Variants in FSTL5 observed in about 807,000 individuals in gnomAD.
FSTL5 encodes the protein follistatin-related protein 5.
Under a neutral mutation model 89.1 loss-of-function variants are expected in FSTL5, and 62 were observed. The observed-to-expected ratio is 0.70, with a 90% confidence interval of 0.57 to 0.86. FSTL5 has a LOEUF of 0.86. Among genes scored for constraint, FSTL5 ranks in the 40% least tolerant of loss-of-function variants. The probability of loss-of-function intolerance (pLI) is 0.00; values close to 1 mark genes in which losing one functional copy is unlikely to be tolerated. For synonymous variants in FSTL5, 383 were observed against 346.2 expected, an observed-to-expected ratio of 1.11 and a Z score of -1.18; for missense variants, 1,057 against 1,001.6, an observed-to-expected ratio of 1.06 and a Z score of -0.75.
chr4:161,774,925 T>C (rs917866350), intron 5 of FSTL5, among the ~76,000 whole-genome samples: 4 of 152,104 alleles, frequency 2.6e-5, no homozygotes, highest in African/African-American at 9.7e-5. Context: ...AAAATAAATG[T>C]GAGGCTGCAT....
At chr4:161,611,878 T>C (rs1355441024) in intron 7 of FSTL5, among the ~76,000 whole-genome samples, 1 of 152,088 alleles carries the variant, frequency 6.6e-6, no homozygotes, top group African/African-American at 2.4e-5. Context: ...AAGGAGCGAA[T>C]GAAAAGGTCA....
intron 2 of FSTL5, among the ~76,000 whole-genome samples, chr4:162,102,628 A>AACATATATAAATATGTATATTTATATAT (rs1357305198): frequency 4.8e-5 from 7 of 144,620 alleles, no homozygotes; most frequent in African/African-American, 1.5e-4. Flanking sequence ...AAATATTTAT[A>AACATATATAAATATGTATATTTATATAT]ACATATATAA....
At chr4:161,511,573 A>C (rs1421871256) in intron 10 of FSTL5, among the ~76,000 whole-genome samples, 1 of 152,138 alleles carries the variant, frequency 6.6e-6, no homozygotes, top group Non-Finnish European at 1.5e-5. Flanking sequence ...CATGTAATGT[A>C]CAATGTGGGT....
chr4:161,714,718 T>G (rs759246282), intron 6 of FSTL5, among the ~76,000 whole-genome samples: 5 of 152,158 alleles, frequency 3.3e-5, no homozygotes, highest in Non-Finnish European at 5.9e-5. Flanking sequence ...TTTAAAGGAT[T>G]TTTTTACATA....
At chr4:161,789,060 A>C (rs1294977164) in intron 4 of FSTL5, among the ~76,000 whole-genome samples, 1 of 152,162 alleles carries the variant, frequency 6.6e-6, no homozygotes, top group East Asian at 1.9e-4. Flanking sequence ...AAACAAAAAT[A>C]TCTTCTCTTT....
chr4:161,575,713 A>G (rs1733186297), intron 8 of FSTL5, among the ~76,000 whole-genome samples: 1 of 152,108 alleles, frequency 6.6e-6, no homozygotes, highest in South Asian at 2.1e-4. Flanking sequence ...TGGTCTCCTG[A>G]AGTGCTGGGA....
chr4:161,399,777 T>A (rs28591165), intron 15 of FSTL5, among the ~76,000 whole-genome samples: 1 of 152,238 alleles, frequency 6.6e-6, no homozygotes, highest in Admixed American at 6.5e-5. Context: ...TTGCATTTTA[T>A]GAGGATACTT....
intron 4 of FSTL5, among the ~76,000 whole-genome samples, chr4:161,843,501 A>G (rs1418493730): frequency 6.6e-6 from 1 of 152,022 alleles, no homozygotes; most frequent in Non-Finnish European, 1.5e-5. Context: ...ATTCCTAGGT[A>G]TTTTATTCTC....
intron 2 of FSTL5, among the ~76,000 whole-genome samples, chr4:162,101,191 G>A (rs949637754): frequency 9.2e-5 from 14 of 152,142 alleles, no homozygotes; most frequent in Admixed American, 3.3e-4. Context: ...AGCAAACTTT[G>A]CATTGGCTCT....
intron 5 of FSTL5, among the ~76,000 whole-genome samples, chr4:161,775,476 T>G (rs1741376133): frequency 1.3e-5 from 2 of 152,156 alleles, no homozygotes; most frequent in African/African-American, 4.8e-5. Context: ...TACACTTTGT[T>G]ATAAATGTGC....
intron 4 of FSTL5, among the ~76,000 whole-genome samples, chr4:161,875,727 T>C (rs1560894181): frequency 6.6e-6 from 1 of 152,250 alleles, no homozygotes; most frequent in Non-Finnish European, 1.5e-5. Flanking sequence ...CTTGATTTTA[T>C]GTGGCTTTCC....
chr4:162,026,521 T>C (rs911160148), intron 3 of FSTL5, among the ~76,000 whole-genome samples: 2 of 151,854 alleles, frequency 1.3e-5, no homozygotes, highest in African/African-American at 2.4e-5. Flanking sequence ...TTGGCAAGGC[T>C]GTTTGGAAAC....
intron 11 of FSTL5, among the ~76,000 whole-genome samples, chr4:161,508,800 C>T (rs1053416526): frequency 6.6e-6 from 1 of 151,978 alleles, no homozygotes; most frequent in Non-Finnish European, 1.5e-5. Context: ...AGTGCCAAAT[C>T]TATTTCAAAT....
At chr4:161,420,971 ATAT>A (rs1309246103) in intron 15 of FSTL5, among the ~76,000 whole-genome samples, 2 of 151,954 alleles carry the variant, frequency 1.3e-5, no homozygotes, top group Non-Finnish European at 2.9e-5. Context: ...CATAATTTTC[ATAT>A]TTCATTGTCT....
rs530110661 is a variant in FSTL5 at position 161,583,582 on chromosome 4, A to G, written c.1015+3873T>C. Among the ~76,000 whole-genome samples the G allele has an allele frequency of 3.4e-5, 4 of 116,742 alleles. No individual in the cohort carries two copies. In the South Asian group the frequency reaches 1.4e-3, roughly 41 times the overall value. 76.6% of individuals were successfully genotyped at this position (116,742 alleles called of 152,430 possible). A position where few individuals can be genotyped will look rare whatever the true frequency, so the allele number is the denominator to read the frequency against. ...CTTGTTGATATAAATGCAGTAGAAC[A>G]AATTTTTGACCAATGATAGTTGAAT... On this transcript the variant is annotated intron_variant, in intron 8 of 15. Transcript: ENST00000306100.
intron 4 of FSTL5, among the ~76,000 whole-genome samples, chr4:161,886,028 TA>T (rs34720174): frequency 0.83 from 126,593 of 151,824 alleles, 53,403 homozygotes; most frequent in Non-Finnish European, 0.9. Flanking sequence ...AATTATTTGT[TA>T]AAAAAAAATA....
intron 15 of FSTL5, among the ~76,000 whole-genome samples, chr4:161,435,055 A>G (rs1560893476): frequency 1.3e-5 from 2 of 152,122 alleles, no homozygotes; most frequent in Non-Finnish European, 2.9e-5. Flanking sequence ...CATATTATCC[A>G]GAAATCCCAT....
intron 8 of FSTL5, among the ~76,000 whole-genome samples, chr4:161,566,439 A>G (rs1280442104): frequency 6.6e-6 from 1 of 151,870 alleles, no homozygotes; most frequent in Non-Finnish European, 1.5e-5. Flanking sequence ...TATCGTTTGA[A>G]AAAACAATTT....
intron 6 of FSTL5, among the ~76,000 whole-genome samples, chr4:161,748,904 C>A (rs1301441840): frequency 6.6e-6 from 1 of 151,452 alleles, no homozygotes; most frequent in Non-Finnish European, 1.5e-5. Context: ...ATACAAGTGG[C>A]AAAAAAAAAT....
Sources: allele counts gnomAD v4.1 joint callset (sites outside exome capture counted in the v4.1 genomes callset), GRCh38; gene constraint gnomAD v4.1.1; transcripts MANE v1.5; gene names NCBI Gene and HGNC (gene_info 2026-07-23, HGNC 2026-07-21).